SERPINB8: variants seen among roughly 807,000 people sequenced by gnomAD.
The protein encoded by SERPINB8 is serpin B8.
SERPINB8 carries 25 observed loss-of-function variants against 35.3 expected under a neutral mutation model. The observed-to-expected ratio is 0.71, with a 90% confidence interval of 0.52 to 0.99. SERPINB8 has a LOEUF of 0.99. Ranked by LOEUF, SERPINB8 falls within the 50% of genes least tolerant of loss-of-function variation. SERPINB8 has a pLI of 0.00. For missense variants in SERPINB8, 484 were observed against 446.5 expected (o/e 1.08, Z -0.76); for synonymous variants, 186 against 160.8 (o/e 1.16, Z -1.19).
At chr18:64,005,732 C>T (rs1227452616), downstream of SERPINB8, 4 of 152,122 alleles carry the variant, frequency 2.6e-5, no homozygotes, top group African/African-American at 9.7e-5. Context: ...AGTGTTTATT[C>T]AATGCTATTA....
intron 7 of SERPINB8, among the ~76,000 whole-genome samples, chr18:64,017,494 A>C (rs1300684898): frequency 1.3e-5 from 2 of 152,182 alleles, no homozygotes; most frequent in East Asian, 3.9e-4. Context: ...TAACAAAAAG[A>C]AGCACAATTT....
At chr18:63,983,019 T>C (rs955997228) in intron 4 of SERPINB8, among the ~76,000 whole-genome samples, 1 of 152,176 alleles carries the variant, frequency 6.6e-6, no homozygotes, top group African/African-American at 2.4e-5. Flanking sequence ...GGTTTGAATA[T>C]ATGCATAGAG....
chr18:63,981,543 A>G (rs941841585), intron 3 of SERPINB8, among the ~76,000 whole-genome samples, 178 bp from the exon 4 acceptor site: 13 of 152,214 alleles, frequency 8.5e-5, no homozygotes, highest in Admixed American at 7.9e-4. Context: ...CACCTTGCCC[A>G]GTACCAGGCA....
Position 63,983,572 on chromosome 18 carries a change from T to C in SERPINB8, c.425-7T>C. On this transcript the variant is annotated splice_polypyrimidine_tract_variant and splice_region_variant and intron_variant, in intron 4 of 6. Coordinates refer to ENST00000397985, the MANE Select transcript of SERPINB8 (RefSeq NM_002640.4). Reference sequence around the variant, plus strand: ...CAAATTGCAATAAACTCTCATATTCTTTATAGGTAAGATTTCAGAGGTACT... The same window carrying C: ...CAAATTGCAATAAACTCTCATATTCCTTATAGGTAAGATTTCAGAGGTACT... 6.2e-7 allele frequency: 1 copy of C among 1,613,208 alleles called. No individual in the cohort carries two copies. Among genetic ancestry groups the C allele is most frequent in the Non-Finnish European group, 8.5e-7 (1 of 1,179,454 alleles).
intron 1 of SERPINB8, among the ~76,000 whole-genome samples, chr18:64,004,074 T>C (rs2050888864): frequency 1.3e-5 from 2 of 152,250 alleles, no homozygotes; most frequent in African/African-American, 4.8e-5. Context: ...GGTATTGATT[T>C]CTTGTTTAAA....
At chr18:63,981,948 T>A in intron 4 of SERPINB8, 110 bp downstream of exon 4, 1 of 676,224 alleles carries the variant, frequency 1.5e-6, no homozygotes, top group Non-Finnish European at 2.6e-6. Context: ...ACCACAGGCC[T>A]GTTTGTATGT....
rs562416482 is a variant in SERPINB8 at position 63,973,004 on chromosome 18, C to G, written c.-11+2834C>G. Among the ~76,000 whole-genome samples the G allele has an allele frequency of 4.5e-4, 68 of 152,198 alleles. 1 individual carries two copies. Among genetic ancestry groups the G allele is most frequent in the African/African-American group, 1.6e-3 (65 of 41,528 alleles). ...GATTTATAATCCTTTGGGTGTATAC[C>G]CAGTAATGGGGTGGCTGGGTCAAAT... is the stretch of plus-strand genomic sequence containing the variant. On this transcript the variant is annotated intron_variant, in intron 1 of 6. Coordinates refer to ENST00000397985, the MANE Select transcript of SERPINB8 (RefSeq NM_002640.4).
At chr18:63,973,546 T>G (rs907670857) in intron 1 of SERPINB8, among the ~76,000 whole-genome samples, 1 of 152,236 alleles carries the variant, frequency 6.6e-6, no homozygotes, top group Non-Finnish European at 1.5e-5. Flanking sequence ...TTTTGGTGTT[T>G]TAGTCATGAA....
intron 1 of SERPINB8, among the ~76,000 whole-genome samples, chr18:63,996,441 C>A (rs1490955832): frequency 6.6e-6 from 1 of 152,208 alleles, no homozygotes; most frequent in Non-Finnish European, 1.5e-5. Flanking sequence ...TCATCAATGC[C>A]TTTTTCAGCA....
intron 6 of SERPINB8, chr18:63,986,228 C>T: frequency 6.2e-7 from 1 of 1,608,838 alleles, no homozygotes; most frequent in Non-Finnish European, 8.5e-7. Flanking sequence ...GCCTTTCTCC[C>T]TTTTTTCTTT....
chr18:63,994,280 T>G (rs1256351964), downstream of SERPINB8, among the ~76,000 whole-genome samples: 4 of 152,122 alleles, frequency 2.6e-5, no homozygotes, highest in Non-Finnish European at 4.4e-5. Flanking sequence ...TGGGGCTAGT[T>G]GTCCTAATTC....
At chr18:64,010,712 C>T (rs563770223) in intron 7 of SERPINB8, among the ~76,000 whole-genome samples, 1 of 151,898 alleles carries the variant, frequency 6.6e-6, no homozygotes, top group Admixed American at 6.6e-5. Context: ...GGTGTCAATT[C>T]CCTTTGTATA....
intron 6 of SERPINB8, among the ~76,000 whole-genome samples, chr18:63,985,516 T>C (rs1462984183): frequency 1.3e-5 from 2 of 152,218 alleles, no homozygotes; most frequent in African/African-American, 4.8e-5. Flanking sequence ...GCATGGAAGG[T>C]CTATTTGAAA....
chr18:63,997,456 T>C (rs1259762360), intron 1 of SERPINB8, among the ~76,000 whole-genome samples: 2 of 152,196 alleles, frequency 1.3e-5, no homozygotes, highest in African/African-American at 4.8e-5. Flanking sequence ...AGCCACTGCC[T>C]TCACTTGGCC....
rs768123206 is a variant in SERPINB8, at chr18:63,986,860, C to T, written c.721-14C>T. On this transcript the variant is annotated splice_polypyrimidine_tract_variant and intron_variant, in intron 6 of 6. Transcript: ENST00000397985. ...GTCATCTAAATTTTAAGGTTTGAGTCTTTCTTATCCTAGGTGGAAAAAGCA... is the reference window on the plus strand; with the variant it reads ...GTCATCTAAATTTTAAGGTTTGAGTTTTTCTTATCCTAGGTGGAAAAAGCA... The T allele has an allele frequency of 1.7e-5, 27 of 1,585,008 alleles. No homozygotes were observed. In the South Asian group the frequency reaches 3.2e-4, roughly 19 times the overall value.
At chr18:63,975,534 T>C (rs2050567993) in intron 1 of SERPINB8, among the ~76,000 whole-genome samples, 1 of 152,186 alleles carries the variant, frequency 6.6e-6, no homozygotes, top group African/African-American at 2.4e-5. Context: ...AATTATGTCA[T>C]GATTGTGTTT....
intron 4 of SERPINB8, 51 bp downstream of exon 4, chr18:63,981,889 A>G (rs1184496691): frequency 7.4e-7 from 1 of 1,342,362 alleles, no homozygotes; most frequent in African/African-American, 1.4e-5. Flanking sequence ...AACGAGGCTT[A>G]GATTGACTGG....
downstream of SERPINB8, among the ~76,000 whole-genome samples, chr18:63,990,124 G>T (rs1323596142): frequency 2.9e-5 from 4 of 136,468 alleles, no homozygotes; most frequent in African/African-American, 1.1e-4. Flanking sequence ...TTGCCAGGCT[G>T]CAGGGCAGGG....
At chr18:63,995,559 G>C (rs1199396205) in intron 1 of SERPINB8, among the ~76,000 whole-genome samples, 1 of 152,158 alleles carries the variant, frequency 6.6e-6, no homozygotes, top group Non-Finnish European at 1.5e-5. Context: ...TAGATGTATT[G>C]TCTATATGTG....
Sources: allele counts gnomAD v4.1 joint callset (sites outside exome capture counted in the v4.1 genomes callset), GRCh38; gene constraint gnomAD v4.1.1; transcripts MANE v1.5; gene names NCBI Gene and HGNC (gene_info 2026-07-23, HGNC 2026-07-21).